OSBPL10: variants seen among roughly 807,000 people sequenced by gnomAD.
The protein encoded by OSBPL10 is oxysterol-binding protein-related protein 10.
A neutral mutation model predicts 81.7 loss-of-function variants in OSBPL10; 49 were observed. The ratio of observed to expected loss-of-function variants is 0.60; its 90% CI spans 0.48 to 0.76. The LOEUF (loss-of-function observed/expected upper bound fraction) is 0.76. Among genes scored for constraint, OSBPL10 ranks in the 30% least tolerant of loss-of-function variants. The pLI is 0.00. For missense variants in OSBPL10, 923 were observed against 987.8 expected, an observed-to-expected ratio of 0.93 and a Z score of 0.88; for synonymous variants, 419 against 383.6, an observed-to-expected ratio of 1.09 and a Z score of -1.08.
chr3:31,864,215 A>G (rs1701120790), intron 3 of OSBPL10, among the ~76,000 whole-genome samples: 1 of 152,148 alleles, frequency 6.6e-6, no homozygotes. Context: ...AAGGCATCAC[A>G]GAAGTATAAG....
chr3:31,880,531 C>G (rs1001566617), intron 1 of OSBPL10, among the ~76,000 whole-genome samples: 1 of 152,168 alleles, frequency 6.6e-6, no homozygotes. Flanking sequence ...AAGCTATTAC[C>G]TAGGAAGTAG....
rs17027905 is a variant in OSBPL10, at chr3:31,662,696, A to C, written c.2251-580T>G. 15,254 of 985,390 alleles carry C rather than the reference A, an allele frequency of 0.015. 1,759 individuals carry two copies. The African/African-American group carries it at 0.24, about 16-fold the overall frequency. The allele number at this position is 985,390 out of a possible 1,614,324, so 61.0% of individuals were successfully genotyped here. On this transcript the variant is annotated intron_variant, in intron 11 of 11. Transcript: ENST00000396556. ...TGTTCAGATGACTCTTATTCCTTAC[A>C]TGTTCCCAGCCCTTCTGTTATGGGC...
chr3:31,876,847 A>G (rs148942519), intron 2 of OSBPL10, among the ~76,000 whole-genome samples: 1 of 151,842 alleles, frequency 6.6e-6, no homozygotes, highest in Non-Finnish European at 1.5e-5. Context: ...AAGGAACCAC[A>G]TGCTTATTTT....
rs115418505 is a variant in OSBPL10 at position 31,875,697 on chromosome 3, G to T, written c.537+736C>A. 5.4e-3 allele frequency among the ~76,000 whole-genome samples: 818 copies of T among 152,270 alleles called. 4 individuals are homozygous for T. Among genetic ancestry groups the T allele is most frequent in the Non-Finnish European group, 8.9e-3 (607 of 68,024 alleles). On this transcript the variant is annotated intron_variant, in intron 3 of 11. Coordinates refer to ENST00000396556, the MANE Select transcript of OSBPL10 (RefSeq NM_017784.5). ...GTTTTAGCAGATGGAATCATCAGAA[G>T]TTTGAAGAATGGATCTTTCTACAGG... is the stretch of plus-strand genomic sequence containing the variant.
chr3:32,069,087 C>T (rs1460284220), intron 1 of OSBPL10, among the ~76,000 whole-genome samples: 1 of 152,150 alleles, frequency 6.6e-6, no homozygotes, highest in Admixed American at 6.5e-5. Flanking sequence ...AAGGCATAGT[C>T]AGGGTACATG....
intron 2 of OSBPL10, among the ~76,000 whole-genome samples, chr3:32,027,206 T>C (rs1699423806): frequency 6.6e-6 from 1 of 151,820 alleles, no homozygotes; most frequent in African/African-American, 2.4e-5. Context: ...CAGGCCCCAG[T>C]GTGTGATGTT....
Position 32,059,451 on chromosome 3 carries a change from C to CGTG in OSBPL10, n.186-12851_186-12849dup, listed in dbSNP as rs1182036086. On this transcript the variant is annotated intron_variant and non_coding_transcript_variant, in intron 1 of 3. Transcript: ENST00000479173. ...AAAATACAAAAAAAAATTAGCCAGG[C>CGTG]GTGGTGGTGGGCACCTATAATCCCA... 3.3e-5 allele frequency among the ~76,000 whole-genome samples: 5 copies of CGTG among 151,538 alleles called. No homozygotes were observed. In the South Asian group the frequency reaches 1.0e-3, roughly 32 times the overall value.
At chr3:31,965,926 A>C (rs1482203290) in intron 1 of OSBPL10, among the ~76,000 whole-genome samples, 1 of 106,156 alleles carries the variant, frequency 9.4e-6, no homozygotes, top group African/African-American at 3.4e-5. Context: ...AATATATAAT[A>C]TATATTATAT....
At chr3:31,922,510 C>T (rs1488970630) in intron 1 of OSBPL10, among the ~76,000 whole-genome samples, 3 of 152,066 alleles carry the variant, frequency 2.0e-5, no homozygotes, top group South Asian at 2.1e-4. Flanking sequence ...CCCAGTTACT[C>T]GAGAGACTGA....
At chr3:31,831,079 C>A (rs1700228043) in intron 3 of OSBPL10, among the ~76,000 whole-genome samples, 1 of 152,100 alleles carries the variant, frequency 6.6e-6, no homozygotes, top group Non-Finnish European at 1.5e-5. Flanking sequence ...AACACATAAC[C>A]ATGGGCCTAA....
intron 2 of OSBPL10, among the ~76,000 whole-genome samples, chr3:32,021,709 C>T (rs1324576549): frequency 6.6e-6 from 1 of 152,082 alleles, no homozygotes; most frequent in Non-Finnish European, 1.5e-5. Flanking sequence ...TATGATGGCT[C>T]ACACCTGTAA....
At chr3:31,702,795 G>A (rs969897322) in intron 6 of OSBPL10, among the ~76,000 whole-genome samples, 20 of 152,186 alleles carry the variant, frequency 1.3e-4, no homozygotes, top group Non-Finnish European at 2.4e-4. Flanking sequence ...ACTAACTATA[G>A]TATATGGGTA....
At chr3:31,861,204 G>C (rs1701050046) in intron 3 of OSBPL10, among the ~76,000 whole-genome samples, 1 of 152,072 alleles carries the variant, frequency 6.6e-6, no homozygotes, top group Admixed American at 6.6e-5. Flanking sequence ...TTAGGAAATT[G>C]TGAAGGCATA....
chr3:31,951,245 G>T (rs1268354589), intron 1 of OSBPL10, among the ~76,000 whole-genome samples: 1 of 151,946 alleles, frequency 6.6e-6, no homozygotes, highest in Admixed American at 6.6e-5. Context: ...CACAATAACG[G>T]GAATCAATTT....
intron 1 of OSBPL10, among the ~76,000 whole-genome samples, chr3:31,897,028 T>C (rs1048857548): frequency 1.3e-5 from 2 of 152,198 alleles, no homozygotes; most frequent in Admixed American, 6.5e-5. Flanking sequence ...AAAAGGTCCA[T>C]GCCAGAGGCA....
At chr3:31,714,772 A>G (rs1415607139) in intron 6 of OSBPL10, 1 of 152,146 alleles carries the variant, frequency 6.6e-6, no homozygotes, top group African/African-American at 2.4e-5. Flanking sequence ...TCCTTTCCTC[A>G]TCTTTGCTGC....
rs1307402717 is a variant in OSBPL10 at position 31,981,084 on chromosome 3, G to A, written c.96C>T (p.Ser32=). 42 of 1,492,444 alleles carry A rather than the reference G, an allele frequency of 2.8e-5. No individual in the cohort carries two copies. The East Asian group carries it at 1.2e-3, about 43-fold the overall frequency. The allele number at this position is 1,492,444 out of a possible 1,614,324, so 92.5% of individuals were successfully genotyped here. Residue 32 remains serine (S), a synonymous_variant, in exon 1 of 12, where the codon TCC becomes TCT. Coordinates refer to ENST00000396556, the MANE Select transcript of OSBPL10 (RefSeq NM_017784.5). The surrounding 1 kb of genome is among the most constrained non-coding windows in gnomAD (Gnocchi z 4.5). ...AGACCCCCCGGCCCGCCAGAGAGCA[G>A]GAGGGCGAGGAGCCCGCCGAGGTAG... The part of the protein sequence containing the change: ...SRATSAGSSP[S]CSLAGRGVSS...
intron 4 of OSBPL10, among the ~76,000 whole-genome samples, chr3:31,804,578 C>T (rs187952367): frequency 2.0e-5 from 3 of 152,254 alleles, no homozygotes; most frequent in Non-Finnish European, 4.4e-5. Context: ...TTTTAACAAC[C>T]AAAGTTACTT....
rs567580233 is a variant in OSBPL10, at chr3:31,825,496, AT to A, written c.729+4543del. Among the ~76,000 whole-genome samples the A allele has an allele frequency of 4.0e-3, 608 of 152,150 alleles. 3 individuals carry two copies. Among genetic ancestry groups the A allele is most frequent in the African/African-American group, 0.014 (578 of 41,510 alleles). ...GCCACCACACTTAGCAAATCTGTAA[AT>A]TTTTTGTTGAAATGGAGTCTGTGTT... On this transcript the variant is annotated intron_variant, in intron 4 of 11. Coordinates refer to ENST00000396556, the MANE Select transcript of OSBPL10 (RefSeq NM_017784.5).
Sources: allele counts gnomAD v4.1 joint callset (sites outside exome capture counted in the v4.1 genomes callset), GRCh38; gene constraint gnomAD v4.1.1; non-coding constraint Gnocchi (gnomAD v3.1); transcripts MANE v1.5; gene names NCBI Gene and HGNC (gene_info 2026-07-23, HGNC 2026-07-21).